The following FRMPD4 variants were observed in gnomAD, a reference collection of about 807,000 sequenced individuals.
FRMPD4 encodes FERM and PDZ domain-containing protein 4.
A neutral mutation model predicts 94.1 loss-of-function variants in FRMPD4; 22 were observed. That is an observed-to-expected ratio of 0.23 (90% CI 0.17 to 0.33). The LOEUF is 0.33. FRMPD4 is among the 10% of genes least tolerant of loss of function. The probability of loss-of-function intolerance (pLI) is 1.00; values close to 1 mark genes in which losing one functional copy is unlikely to be tolerated. For synonymous variants in FRMPD4, 631 were observed against 548.6 expected, an observed-to-expected ratio of 1.15 and a Z score of -2.10; for missense variants, 1,111 against 1,339.9, an observed-to-expected ratio of 0.83 and a Z score of 2.67.
chrX:11,868,157 G>T (rs1272582384), intron 2 of FRMPD4, among the ~76,000 whole-genome samples: 1 of 112,258 alleles, frequency 8.9e-6, no homozygotes, highest in Admixed American at 9.4e-5. Flanking sequence ...AGGCTGAAAA[G>T]ATTCGATGAA....
At chrX:12,189,255 A>G (rs994295109) in intron 1 of FRMPD4, among the ~76,000 whole-genome samples, 10 of 111,818 alleles carry the variant, frequency 8.9e-5, no homozygotes. Flanking sequence ...GCCTATATCT[A>G]TTATAGACAT....
chrX:12,643,620 T>C (rs2059520218), intron 4 of FRMPD4, among the ~76,000 whole-genome samples: 1 of 111,256 alleles, frequency 9.0e-6, no homozygotes. Flanking sequence ...ATCAGTAGGA[T>C]TTAGCATTGT....
chrX:12,608,116 CTTACA>C (rs776306766), intron 2 of FRMPD4, among the ~76,000 whole-genome samples: 1 of 112,517 alleles, frequency 8.9e-6, no homozygotes, highest in East Asian at 2.8e-4. Context: ...ATAATCTTAG[CTTACA>C]TTACATTAAG....
intron 1 of FRMPD4, among the ~76,000 whole-genome samples, chrX:11,833,460 A>C (rs2053485565): frequency 8.9e-6 from 1 of 112,053 alleles, no homozygotes. Flanking sequence ...CATTCCGACC[A>C]GTAAGGAATG....
At chrX:12,283,517 A>G (rs775440533) in intron 1 of FRMPD4, among the ~76,000 whole-genome samples, 21 of 112,397 alleles carry the variant, frequency 1.9e-4, no homozygotes, top group Non-Finnish European at 7.5e-5. Context: ...TAGTCTAACT[A>G]TCATTTTCTC....
intron 1 of FRMPD4, among the ~76,000 whole-genome samples, chrX:12,347,570 A>G (rs1452812539): frequency 8.9e-6 from 1 of 112,184 alleles, no homozygotes; most frequent in Non-Finnish European, 1.9e-5. Flanking sequence ...ATATTGATAT[A>G]AAAATTCACC....
At position 12,190,376 on chromosome X, in the gene FRMPD4, G is replaced by T. The variant is rs184257978; in HGVS notation, c.41+51364G>T. Among the ~76,000 whole-genome samples, 6 of 110,832 alleles carry T rather than the reference G, an allele frequency of 5.4e-5. No homozygotes were observed. The Admixed American group carries it at 5.8e-4, about 11-fold the overall frequency. ...ATTTTGATTCTAATGTTTATATGGA[G>T]AGGCAGAAGACCCACACAAAGAACA... On this transcript the variant is annotated intron_variant, in intron 1 of 16. Coordinates refer to ENST00000675598, the MANE Select transcript of FRMPD4 (RefSeq NM_001368397.1).
intron 2 of FRMPD4, among the ~76,000 whole-genome samples, chrX:12,544,237 AC>A (rs1602104553): frequency 9.0e-6 from 1 of 111,189 alleles, no homozygotes; most frequent in Admixed American, 9.6e-5. Flanking sequence ...AAGTATAAAA[AC>A]AAAATTTTTG....
intron 1 of FRMPD4, among the ~76,000 whole-genome samples, chrX:12,432,382 G>C (rs2057019783): frequency 8.9e-6 from 1 of 112,567 alleles, no homozygotes. Context: ...TCACTGCACA[G>C]TTTCTGCAGG....
At chrX:12,533,102 G>A (rs1043232372) in intron 2 of FRMPD4, among the ~76,000 whole-genome samples, 1 of 111,413 alleles carries the variant, frequency 9.0e-6, no homozygotes, top group African/African-American at 3.3e-5. Flanking sequence ...CCCATGTGTT[G>A]TAGGAGAGAC....
intron 3 of FRMPD4, among the ~76,000 whole-genome samples, chrX:12,047,665 A>C (rs182538109): frequency 1.3e-3 from 142 of 110,964 alleles, no homozygotes; most frequent in African/African-American, 4.6e-3. Context: ...CCCACTTCTA[A>C]TAGTCTCCAG....
chrX:11,908,317 A>C, intron 3 of FRMPD4, among the ~76,000 whole-genome samples: 1 of 111,882 alleles, frequency 8.9e-6, no homozygotes, highest in East Asian at 2.8e-4. Context: ...GCCTGTACAC[A>C]GCCTCCTAAT....
At chrX:12,417,989 G>C (rs1209502948) in intron 1 of FRMPD4, among the ~76,000 whole-genome samples, 3 of 75,773 alleles carry the variant, frequency 4.0e-5, no homozygotes, top group Admixed American at 3.3e-4. Context: ...GCAAGACTCT[G>C]TCTCAAAAAA....
intron 1 of FRMPD4, among the ~76,000 whole-genome samples, chrX:12,465,084 G>C (rs1285819034): frequency 9.0e-6 from 1 of 111,550 alleles, no homozygotes; most frequent in Non-Finnish European, 1.9e-5. Flanking sequence ...AGTAGTTAGA[G>C]AGTATTTTGA....
chrX:11,972,630 A>C lies in FRMPD4; in HGVS notation c.95+94612A>C, dbSNP rs760748170. On this transcript the variant is annotated intron_variant, in intron 3 of 18. Coordinates refer to the FRMPD4 transcript ENST00000640291. ...TTCTCACTCCTAGGACATCAGGCAC[A>C]TTGCTTACTTCTTTAACTCCTCTTT... Among the ~76,000 whole-genome samples the C allele has an allele frequency of 3.6e-5, 4 of 112,314 alleles. No individual in the cohort carries two copies. In the South Asian group the frequency reaches 1.5e-3, roughly 42 times the overall value.
intron 3 of FRMPD4, among the ~76,000 whole-genome samples, chrX:12,001,061 G>A (rs1309376068): frequency 8.9e-6 from 1 of 111,910 alleles, no homozygotes; most frequent in Non-Finnish European, 1.9e-5. Flanking sequence ...GGTCTCTATT[G>A]ATGGGTTATG....
chrX:12,285,381 C>T (rs763222179), intron 1 of FRMPD4, among the ~76,000 whole-genome samples: 6 of 111,707 alleles, frequency 5.4e-5, no homozygotes, highest in Admixed American at 9.5e-5. Context: ...AATGGTGGGG[C>T]AGGGTTGGGT....
At chrX:11,893,857 A>G (rs908223485) in intron 3 of FRMPD4, among the ~76,000 whole-genome samples, 16 of 111,877 alleles carry the variant, frequency 1.4e-4, no homozygotes, top group Non-Finnish European at 2.4e-4. Flanking sequence ...AAAAAGAGGC[A>G]GTGACCATTT....
In FRMPD4 at chrX:12,716,652, C is replaced by G; in HGVS notation, c.2193C>G (p.Ile731Met). Residue 731 changes from isoleucine to methionine, a missense_variant, in exon 15 of 17, where the codon ATC becomes ATG. Physicochemically the swap from Ile to Met is conservative, Grantham distance 10 (BLOSUM62 1). This residue lies in a region of FRMPD4 where 192 missense variants were observed against 192.5 expected (regional missense o/e 1.00). Transcript: ENST00000675598. Reference sequence around the variant, plus strand: ...AGAGCTTCCAGGCCGCGGAGGGGATCGAGGAACCCCTCTTGCATGACATCT... The same window carrying G: ...AGAGCTTCCAGGCCGCGGAGGGGATGGAGGAACCCCTCTTGCATGACATCT... ...DVKSFQAAEG[I>M]EEPLLHDICY... The G allele has an allele frequency of 8.3e-7, 1 of 1,209,942 alleles. No individual in the cohort carries two copies. The highest frequency in any genetic ancestry group is 1.7e-5 in the African/African-American group (1 of 57,664).
Sources: allele counts gnomAD v4.1 joint callset (sites outside exome capture counted in the v4.1 genomes callset), GRCh38; gene constraint gnomAD v4.1.1; regional missense constraint gnomAD v4.1.1; transcripts MANE v1.5; gene names NCBI Gene and HGNC (gene_info 2026-07-23, HGNC 2026-07-21).